TF: variants seen among roughly 807,000 people sequenced by gnomAD.
The protein encoded by TF is serotransferrin.
Under a neutral mutation model 82.4 loss-of-function variants are expected in TF, and 55 were observed. The observed-to-expected ratio is 0.67, with a 90% CI of 0.54 to 0.84. The LOEUF (loss-of-function observed/expected upper bound fraction) is 0.84, where lower values mean the gene tolerates loss of function less well. TF is among the 40% of genes least tolerant of loss of function. The pLI, the probability that TF is intolerant of heterozygous loss-of-function variation, is 0.00. For synonymous variants in TF, 332 were observed against 332.6 expected, an observed-to-expected ratio of 1.00 and a Z score of 0.02; for missense variants, 737 against 868.4, an observed-to-expected ratio of 0.85 and a Z score of 1.90.
At chr3:133,759,677 C>T (rs1933937036) in intron 9 of TF, among the ~76,000 whole-genome samples, 4 of 152,136 alleles carry the variant, frequency 2.6e-5, no homozygotes, top group African/African-American at 9.7e-5. Context: ...CAATCAGGTA[C>T]AAATTTGCTT....
At chr3:133,701,078 T>A in the TF span, 1 of 152,610 alleles carries the variant, frequency 6.6e-6, no homozygotes, top group Non-Finnish European at 1.5e-5. Flanking sequence ...GGGAGGGACC[T>A]GGCCAGCTTG....
intron 9 of TF, chr3:133,760,768 A>G: frequency 6.1e-6 from 1 of 163,366 alleles, no homozygotes. Context: ...GCAGAAACCA[A>G]AGACCAACAT....
rs532215695 is a variant in TF at position 133,789,879 on chromosome 3, G to T, written c.*11259G>T. 6.1e-4 allele frequency: 54 copies of T among 88,958 alleles called. 2 individuals are homozygous for T. The highest frequency in any genetic ancestry group is 3.6e-3 in the South Asian group (11 of 3,084). The allele number at this position is 88,958 out of a possible 1,614,324, so 5.5% of individuals were successfully genotyped here. The stretch of plus-strand genomic sequence containing the variant: ...GCCAAAACAAAACGATCTCGTTTGC[G>T]TTTTTTTTTTTTTTTTTTTTTTTTT... On this transcript the variant is annotated 3_prime_UTR_variant, in exon 17 of 17. Coordinates refer to ENST00000402696, the MANE Select transcript of TF (RefSeq NM_001063.4).
At position 133,746,472 on chromosome 3, in the gene TF, G is replaced by A. The variant is rs761452786; in HGVS notation, c.32G>A (p.Cys11Tyr). The stretch of plus-strand genomic sequence containing the variant: ...CTCGCCGTGGGAGCCCTGCTGGTCT[G>A]CGCCGTCCTGGGTGAGTGCGGGCAC... MRLAVGALLV[C>Y]AVLGLCLAVP... The change falls in exon 1 of 17, where the codon TGC (cysteine) becomes TAC (tyrosine). Residue 11 changes from cysteine (C) to tyrosine (Y), a missense_variant. Transcript: ENST00000402696. The A allele has an allele frequency of 8.1e-6, 13 of 1,599,510 alleles. No individual in the cohort carries two copies. Among genetic ancestry groups the A allele is most frequent in the Middle Eastern group, 3.7e-4 (2 of 5,416 alleles).
chr3:133,755,931 T>A (rs530975007), intron 5 of TF: 1 of 446,598 alleles, frequency 2.2e-6, no homozygotes, highest in East Asian at 4.4e-5. Context: ...TTGCTTTCTC[T>A]TTTTACCTTG....
At chr3:133,757,706 G>A in intron 7 of TF, 63 bp from the exon 8 acceptor site, 8 of 1,487,208 alleles carry the variant, frequency 5.4e-6, no homozygotes, top group African/African-American at 2.8e-5. Context: ...TTTCTCTTCA[G>A]TCCCATTTCT....
At chr3:133,732,823 A>G in the TF span, among the ~76,000 whole-genome samples, 2 of 126,236 alleles carry the variant, frequency 1.6e-5, no homozygotes, top group South Asian at 5.9e-4. Flanking sequence ...AATTCCGGAC[A>G]CATTATGATC....
Position 133,775,451 on chromosome 3 carries a change from G to A in TF, c.1706G>A (p.Trp569Ter). Residue 569 changes from tryptophan (W) to a stop codon, truncating the protein, a stop_gained, in exon 15 of 17, where the codon TGG becomes TAG. Coordinates refer to ENST00000402696, the MANE Select transcript of TF (RefSeq NM_001063.4). LOFTEE classifies it high-confidence loss of function. ...QNTGGKNPDP[W>*]AKNLNEKDYE... The stretch of plus-strand genomic sequence containing the variant: ...TCCCTAGGAAAAAACCCTGATCCAT[G>A]GGCTAAGAATCTGAATGAAAAAGAC... 1.2e-6 allele frequency: 2 copies of A among 1,614,190 alleles called. No individual in the cohort carries two copies. Among genetic ancestry groups the A allele is most frequent in the Non-Finnish European group, 1.7e-6 (2 of 1,180,028 alleles).
chr3:133,679,767 A>G, the TF span, among the ~76,000 whole-genome samples: 1 of 152,254 alleles, frequency 6.6e-6, no homozygotes, highest in South Asian at 2.1e-4. Flanking sequence ...ATAAAGCTGC[A>G]TGAACATTAG....
chr3:133,679,724 G>A, the TF span, among the ~76,000 whole-genome samples: 1 of 152,276 alleles, frequency 6.6e-6, no homozygotes, highest in East Asian at 1.9e-4. Flanking sequence ...GTTGATGGAT[G>A]TTTAGATTGT....
At chr3:133,748,764 A>C in intron 2 of TF, 180 bp downstream of exon 2, 1 of 770,246 alleles carries the variant, frequency 1.3e-6, no homozygotes, top group Non-Finnish European at 2.2e-6. Context: ...TCTGGAAAGC[A>C]AAAGTCAAAA....
the TF span, among the ~76,000 whole-genome samples, chr3:133,725,997 G>C: frequency 6.6e-6 from 1 of 152,182 alleles, no homozygotes; most frequent in Non-Finnish European, 1.5e-5. Context: ...TTGCATCCCA[G>C]GGATGAAGCC....
the TF span, among the ~76,000 whole-genome samples, chr3:133,725,904 A>G: frequency 0.11 from 17,375 of 152,232 alleles, 1,227 homozygotes; most frequent in Non-Finnish European, 0.15. Flanking sequence ...TTCTACATCT[A>G]TTGAGATAAT....
the TF span, among the ~76,000 whole-genome samples, chr3:133,675,142 G>A: frequency 6.6e-6 from 1 of 151,304 alleles, no homozygotes; most frequent in Admixed American, 6.6e-5. Flanking sequence ...CTACTCCGGA[G>A]GCTGAGGCAT....
chr3:133,703,974 G>A, the TF span, among the ~76,000 whole-genome samples: 2 of 152,160 alleles, frequency 1.3e-5, no homozygotes, highest in Admixed American at 6.5e-5. Context: ...TATCCAGGAC[G>A]CAGCATGGGT....
chr3:133,717,708 T>C, the TF span, among the ~76,000 whole-genome samples: 1 of 152,162 alleles, frequency 6.6e-6, no homozygotes, highest in African/African-American at 2.4e-5. Context: ...CCACATGGAT[T>C]GAGGCGGCTG....
intron 9 of TF, chr3:133,760,566 A>G (rs1039962153): frequency 6.6e-6 from 1 of 152,314 alleles, no homozygotes; most frequent in African/African-American, 2.4e-5. Context: ...TACAATAGAT[A>G]AAGTTTTTTA....
rs1048006700 is a variant in TF at position 133,795,799 on chromosome 3, A to G, written c.*17179A>G. 6.6e-6 allele frequency: 1 copy of G among 151,892 alleles called. No individual in the cohort carries two copies. Among genetic ancestry groups the G allele is most frequent in the African/African-American group, 2.4e-5 (1 of 41,280 alleles). 9.4% of individuals were successfully genotyped at this position (151,892 alleles called of 1,614,324 possible). A position where few individuals can be genotyped will look rare whatever the true frequency, so the allele number is the denominator to read the frequency against. The stretch of plus-strand genomic sequence containing the variant: ...CACCATGTTAGCCAGGATGGTCTCG[A>G]TCTCCTAACCTCATGATCTGCCCAC... On this transcript the variant is annotated 3_prime_UTR_variant, in exon 17 of 17. Transcript: ENST00000402696.
At chr3:133,690,200 C>CAA in the TF span, among the ~76,000 whole-genome samples, 25 of 148,632 alleles carry the variant, frequency 1.7e-4, no homozygotes, top group African/African-American at 2.5e-4. Flanking sequence ...CTAAGCATGC[C>CAA]AAAAAAAAAT....
Sources: allele counts gnomAD v4.1 joint callset (sites outside exome capture counted in the v4.1 genomes callset), GRCh38; gene constraint gnomAD v4.1.1; transcripts MANE v1.5; gene names NCBI Gene and HGNC (gene_info 2026-07-23, HGNC 2026-07-21).